IMPA2: variants seen among roughly 807,000 people sequenced by gnomAD.
The protein encoded by IMPA2 is IMP 2.
Under a neutral mutation model 35.1 loss-of-function variants are expected in IMPA2, and 32 were observed. The ratio of observed to expected loss-of-function variants is 0.91; its 90% CI spans 0.69 to 1.23. The LOEUF is 1.23. Ranked by LOEUF, IMPA2 falls within the 50% of genes most tolerant of loss-of-function variation. The pLI is 0.00. For synonymous variants in IMPA2, 135 were observed against 160.6 expected, an observed-to-expected ratio of 0.84 and a Z score of 1.20; for missense variants, 334 against 387.6, an observed-to-expected ratio of 0.86 and a Z score of 1.16.
chr18:11,994,375 CAA>C (rs1395833057), intron 1 of IMPA2: 1 of 152,180 alleles, frequency 6.6e-6, no homozygotes, highest in Non-Finnish European at 1.5e-5. Flanking sequence ...GACCCTGTCT[CAA>C]GAGAAAAATA....
At position 11,999,054 on chromosome 18, in the gene IMPA2, A is replaced by T; in HGVS notation, c.97A>T (p.Ile33Phe). Residue 33 changes from isoleucine (I) to phenylalanine (F), a missense_variant and splice_region_variant, in exon 2 of 8, where the codon ATC becomes TTC. Physicochemically the swap from Ile to Phe is conservative, Grantham distance 21. Transcript: ENST00000269159. The part of the protein sequence containing the change: ...AVQLALRAGQ[I>F]IRKALTEEKR... ...CCCAAATCCCGTACTTTTATTTCAGATCATCAGAAAAGCCCTTACTGAGGA... is the reference window on the plus strand; with the variant it reads ...CCCAAATCCCGTACTTTTATTTCAGTTCATCAGAAAAGCCCTTACTGAGGA... The T allele has an allele frequency of 6.2e-7, 1 of 1,611,256 alleles. No homozygotes were observed. Among genetic ancestry groups the T allele is most frequent in the African/African-American group, 1.3e-5 (1 of 74,716 alleles).
chr18:12,009,835 A>G, intron 2 of IMPA2, 48 bp from the exon 3 acceptor site: 1 of 1,438,728 alleles, frequency 7.0e-7, no homozygotes, highest in South Asian at 1.1e-5. Context: ...CAGGCACGTT[A>G]TTCTGTGTCC....
At chr18:12,017,437 A>G (rs1907609010) in intron 5 of IMPA2, among the ~76,000 whole-genome samples, 1 of 152,188 alleles carries the variant, frequency 6.6e-6, no homozygotes, top group Non-Finnish European at 1.5e-5. Flanking sequence ...ATCAGCAAAT[A>G]ATCCCATCAG....
intron 2 of IMPA2, among the ~76,000 whole-genome samples, chr18:12,005,933 C>T (rs1411725798): frequency 6.6e-6 from 1 of 152,192 alleles, no homozygotes; most frequent in African/African-American, 2.4e-5. Context: ...GTGCCTGAGT[C>T]ATTTCTAGTC....
At chr18:12,027,567 A>ATTTTTTTT (rs138876745) in intron 5 of IMPA2, among the ~76,000 whole-genome samples, 20 of 90,968 alleles carry the variant, frequency 2.2e-4, no homozygotes, top group African/African-American at 5.9e-4. Context: ...AATGATGGTG[A>ATTTTTTTT]TTTTTTTTTT....
At chr18:12,022,165 A>C (rs1457924581) in intron 5 of IMPA2, among the ~76,000 whole-genome samples, 1 of 152,174 alleles carries the variant, frequency 6.6e-6, no homozygotes, top group African/African-American at 2.4e-5. Context: ...CCTACAAATA[A>C]GAACTCCACC....
intron 5 of IMPA2, among the ~76,000 whole-genome samples, chr18:12,021,383 T>C (rs559486165): frequency 2.0e-5 from 3 of 152,066 alleles, no homozygotes; most frequent in Non-Finnish European, 4.4e-5. Flanking sequence ...AGCAAGACCC[T>C]GTCTCAGAAA....
chr18:12,012,109 C>A, intron 3 of IMPA2, 61 bp from the exon 4 acceptor site: 2 of 1,531,874 alleles, frequency 1.3e-6, no homozygotes, highest in Non-Finnish European at 1.8e-6. Context: ...GCACAGCACA[C>A]AGGCTCCCGA....
chr18:11,996,587 G>A (rs1906964373), intron 1 of IMPA2, among the ~76,000 whole-genome samples: 1 of 152,068 alleles, frequency 6.6e-6, no homozygotes, highest in Non-Finnish European at 1.5e-5. Flanking sequence ...GAACATCCTG[G>A]TCTCCTAGTG....
chr18:12,000,920 G>A (rs1222589608), intron 2 of IMPA2, among the ~76,000 whole-genome samples: 1 of 148,990 alleles, frequency 6.7e-6, no homozygotes, highest in Non-Finnish European at 1.5e-5. Flanking sequence ...CGGCCCCAGT[G>A]TTTGTGATTT....
intron 1 of IMPA2, among the ~76,000 whole-genome samples, chr18:11,984,916 A>C (rs552310629): frequency 3.3e-5 from 5 of 149,360 alleles, no homozygotes; most frequent in African/African-American, 9.9e-5. Flanking sequence ...TGCAGTGAGT[A>C]GAGATCGTGC....
chr18:11,997,896 G>A (rs1354192865), intron 1 of IMPA2, among the ~76,000 whole-genome samples: 4 of 152,216 alleles, frequency 2.6e-5, no homozygotes, highest in Admixed American at 2.0e-4. Flanking sequence ...AGCTGGGCGC[G>A]GTGGCTTACG....
chr18:12,009,251 G>C (rs896604573), intron 2 of IMPA2, among the ~76,000 whole-genome samples: 1 of 152,082 alleles, frequency 6.6e-6, no homozygotes, highest in East Asian at 1.9e-4. Context: ...ACTCCAGCTG[G>C]GCAACAGATC....
intron 5 of IMPA2, among the ~76,000 whole-genome samples, chr18:12,020,592 A>C (rs891954621): frequency 3.3e-5 from 5 of 151,938 alleles, no homozygotes; most frequent in African/African-American, 1.2e-4. Flanking sequence ...CTGGGACTTG[A>C]ATGTATGTTG....
intron 5 of IMPA2, among the ~76,000 whole-genome samples, chr18:12,014,813 G>A (rs1907533730): frequency 2.0e-5 from 3 of 152,130 alleles, no homozygotes; most frequent in Admixed American, 2.0e-4. Context: ...TCTGTGAGAA[G>A]AGCCATCCTG....
At chr18:11,984,142 G>A (rs1254898201) in intron 1 of IMPA2, among the ~76,000 whole-genome samples, 1 of 152,302 alleles carries the variant, frequency 6.6e-6, no homozygotes, top group East Asian at 1.9e-4. Context: ...CTCTTAGACT[G>A]GTTCCGCTCA....
Position 11,990,895 on chromosome 18 carries a change from T to C in IMPA2, c.97-8159T>C, listed in dbSNP as rs780894801. ...CTTTTTGCCTCCGTTTCCTCATCTTTAACGTGGAGAATAATTTTTGCTGTC... is the reference window on the plus strand; with the variant it reads ...CTTTTTGCCTCCGTTTCCTCATCTTCAACGTGGAGAATAATTTTTGCTGTC... On this transcript the variant is annotated intron_variant, in intron 1 of 7. Transcript: ENST00000269159. 5.5e-4 allele frequency among the ~76,000 whole-genome samples: 84 copies of C among 152,318 alleles called. No individual in the cohort carries two copies. In the Middle Eastern group the frequency reaches 0.014, roughly 25 times the overall value.
At position 11,999,166 on chromosome 18, in the gene IMPA2, G is replaced by A. The variant is rs184740260; in HGVS notation, c.209G>A (p.Arg70Gln). Reference sequence around the variant, plus strand: ...GAAGATTTAATTATTTCTGAGTTGCGAGAGAGGTTTCCTTCACACAGGTAG... The same window carrying A: ...GAAGATTTAATTATTTCTGAGTTGCAAGAGAGGTTTCCTTCACACAGGTAG... Reference protein sequence around the residue: ...LVEDLIISELRERFPSHRFIA... With the variant: ...LVEDLIISELQERFPSHRFIA... Residue 70 changes from arginine (R) to glutamine (Q), a missense_variant, in exon 2 of 8, where the codon CGA becomes CAA. Arg to Gln is a conservative substitution (Grantham distance 43). Coordinates refer to ENST00000269159, the MANE Select transcript of IMPA2 (RefSeq NM_014214.3). 2.3e-4 allele frequency: 379 copies of A among 1,613,790 alleles called. 4 individuals are homozygous for A. In the South Asian group the frequency reaches 3.3e-3, roughly 14 times the overall value.
intron 6 of IMPA2, 195 bp from the exon 7 acceptor site, chr18:12,028,647 C>T: frequency 3.2e-6 from 2 of 631,258 alleles, no homozygotes; most frequent in Non-Finnish European, 5.5e-6. Context: ...TGGCACAAGG[C>T]ATTTGCGTCT....
Sources: gnomAD v4.1 joint callset for allele counts (sites outside exome capture counted in the v4.1 genomes callset) on GRCh38, gnomAD v4.1.1 for gene constraint, MANE v1.5 for transcripts, NCBI Gene and HGNC (gene_info 2026-07-23, HGNC 2026-07-21) for gene names.